The following KALRN variants were observed in gnomAD, a reference collection of about 807,000 sequenced individuals.
The protein encoded by KALRN is kalirin RhoGEF kinase.
KALRN carries 70 observed loss-of-function variants against 353.7 expected under a neutral mutation model. That is an observed-to-expected ratio of 0.20 (90% CI 0.16 to 0.24). KALRN has a LOEUF of 0.24. Ranked by LOEUF, KALRN falls within the 10% of genes least tolerant of loss-of-function variation. The pLI, the probability that KALRN is intolerant of heterozygous loss-of-function variation, is 1.00. For synonymous variants in KALRN, 1,391 were observed against 1,434.8 expected (o/e 0.97, Z 0.69); for missense variants, 2,791 against 3,756.7 (o/e 0.74, Z 6.72).
chr3:124,094,907 A>C (rs1341311929), intron 1 of KALRN: 1 of 1,613,648 alleles, frequency 6.2e-7, no homozygotes, highest in South Asian at 1.1e-5. Context: ...GGATCGAGGT[A>C]TCCTGAGTGT....
At chr3:124,161,775 C>T (rs1426657905) in intron 1 of KALRN, among the ~76,000 whole-genome samples, 1 of 152,216 alleles carries the variant, frequency 6.6e-6, no homozygotes, top group African/African-American at 2.4e-5. Flanking sequence ...TCTCCTTCCT[C>T]TAGCTCCAAG....
rs534312543 is a variant in KALRN at position 124,602,752 on chromosome 3, G to A, written c.5183-29668G>A. Among the ~76,000 whole-genome samples, 38 of 152,298 alleles carry A rather than the reference G, an allele frequency of 2.5e-4. No individual in the cohort carries two copies. In the South Asian group the frequency reaches 7.5e-3, roughly 30 times the overall value. ...ATAGGAATGGAATATCCATGGTAACGATGAACAGGTGTGTGACTGTAGCAT... is the reference window on the plus strand; with the variant it reads ...ATAGGAATGGAATATCCATGGTAACAATGAACAGGTGTGTGACTGTAGCAT... On this transcript the variant is annotated intron_variant, in intron 34 of 59. Coordinates refer to ENST00000682506, the MANE Select transcript of KALRN (RefSeq NM_001388419.1).
At chr3:124,232,151 C>A (rs983015541) in intron 2 of KALRN, among the ~76,000 whole-genome samples, 3 of 152,144 alleles carry the variant, frequency 2.0e-5, no homozygotes, top group Non-Finnish European at 4.4e-5. Context: ...CCTGGGCATA[C>A]CCCATTTATA....
intron 1 of KALRN, among the ~76,000 whole-genome samples, chr3:124,174,988 C>T (rs1228959015): frequency 1.3e-5 from 2 of 152,188 alleles, no homozygotes; most frequent in African/African-American, 4.8e-5. Flanking sequence ...TTGTGTTGTC[C>T]TTCCAAAGGG....
chr3:124,593,389 C>T (rs2075991473), intron 34 of KALRN, among the ~76,000 whole-genome samples: 1 of 152,082 alleles, frequency 6.6e-6, no homozygotes, highest in African/African-American at 2.4e-5. Context: ...CATTGACCAC[C>T]CTGCCCCGCC....
chr3:124,271,737 T>A (rs952560068), intron 5 of KALRN, among the ~76,000 whole-genome samples: 1 of 152,248 alleles, frequency 6.6e-6, no homozygotes, highest in Non-Finnish European at 1.5e-5. Context: ...TCCTGGCGCA[T>A]GCCTTGATGG....
At chr3:124,598,697 A>G (rs1483125432) in intron 34 of KALRN, among the ~76,000 whole-genome samples, 1 of 152,042 alleles carries the variant, frequency 6.6e-6, no homozygotes, top group Non-Finnish European at 1.5e-5. Context: ...TTTTTGAGAC[A>G]GGTGACATTT....
Position 124,347,175 on chromosome 3 carries a change from C to T in KALRN, c.1680C>T (p.Ala560=). ...ACTGGATTGAAAACCATGGTGAGGC[C>T]TTTCTCAGCAAACACACTGGAGTTG... ...VLDWIENHGE[A]FLSKHTGVGK... The change falls in exon 10 of 60, where the codon GCC becomes GCT. Residue 560 remains alanine, a synonymous_variant. Coordinates refer to ENST00000682506, the MANE Select transcript of KALRN (RefSeq NM_001388419.1). 1 of 1,614,004 alleles carries T rather than the reference C, an allele frequency of 6.2e-7. No homozygotes were observed. The highest frequency in any genetic ancestry group is 2.2e-5 in the East Asian group (1 of 44,866).
At chr3:124,055,874 C>A (rs1345749043) in intron 1 of KALRN, among the ~76,000 whole-genome samples, 1 of 152,216 alleles carries the variant, frequency 6.6e-6, no homozygotes, top group African/African-American at 2.4e-5. Flanking sequence ...CATGCCAAGT[C>A]TTTTCCATTC....
chr3:124,253,445 C>T (rs1243038444), intron 3 of KALRN, among the ~76,000 whole-genome samples: 1 of 152,170 alleles, frequency 6.6e-6, no homozygotes, highest in Non-Finnish European at 1.5e-5. Context: ...TTCTGTCTGC[C>T]TATGGTGAAC....
chr3:124,635,949 G>C (rs1050442218), intron 36 of KALRN, among the ~76,000 whole-genome samples: 1 of 151,990 alleles, frequency 6.6e-6, no homozygotes. Context: ...AGATCACTGT[G>C]TATATACAGC....
intron 34 of KALRN, among the ~76,000 whole-genome samples, chr3:124,623,868 GT>G (rs2079613862): frequency 6.6e-6 from 1 of 152,194 alleles, no homozygotes; most frequent in Non-Finnish European, 1.5e-5. Context: ...GTTAGGATAT[GT>G]TCAGTGCACA....
At chr3:124,168,796 C>T (rs758005901) in intron 1 of KALRN, among the ~76,000 whole-genome samples, 3 of 152,150 alleles carry the variant, frequency 2.0e-5, no homozygotes, top group African/African-American at 4.8e-5. Context: ...AGATCTCAAT[C>T]GGCCTCTCAA....
At chr3:124,115,518 G>A (rs1295800884) in intron 1 of KALRN, among the ~76,000 whole-genome samples, 1 of 152,188 alleles carries the variant, frequency 6.6e-6, no homozygotes, top group Non-Finnish European at 1.5e-5. Flanking sequence ...TATGCCTCCA[G>A]TTGGAAGAGA....
intron 1 of KALRN, among the ~76,000 whole-genome samples, chr3:124,054,602 G>A (rs2041357877): frequency 6.6e-6 from 1 of 152,098 alleles, no homozygotes; most frequent in Non-Finnish European, 1.5e-5. Flanking sequence ...CAGTTAGCCA[G>A]CCTTACCACA....
Position 124,279,656 on chromosome 3 carries a change from A to G in KALRN, c.969+10401A>G, listed in dbSNP as rs1368489212. Among the ~76,000 whole-genome samples, 3 of 152,198 alleles carry G rather than the reference A, an allele frequency of 2.0e-5. No homozygotes were observed. In the East Asian group the frequency reaches 5.8e-4, roughly 29 times the overall value. On this transcript the variant is annotated intron_variant, in intron 5 of 59. Coordinates refer to ENST00000682506, the MANE Select transcript of KALRN (RefSeq NM_001388419.1). ...GCTAGCAGGGAGAAAAGGAAATGGA[A>G]GCTGTAACCAGTCTGGCAGGATCTT...
intron 1 of KALRN, among the ~76,000 whole-genome samples, chr3:124,214,157 G>A (rs964952644): frequency 6.6e-6 from 1 of 151,860 alleles, no homozygotes; most frequent in Non-Finnish European, 1.5e-5. Flanking sequence ...TATATATATG[G>A]TTTTTATACA....
chr3:124,225,507 C>G (rs2078379421), intron 1 of KALRN, among the ~76,000 whole-genome samples: 1 of 152,112 alleles, frequency 6.6e-6, no homozygotes, highest in African/African-American at 2.4e-5. Flanking sequence ...AGTAGAAGCC[C>G]TAGGAATCCT....
chr3:124,206,575 G>A (rs1560229459), intron 1 of KALRN, among the ~76,000 whole-genome samples: 1 of 152,312 alleles, frequency 6.6e-6, no homozygotes, highest in East Asian at 1.9e-4. Flanking sequence ...CACCAGAGAC[G>A]ACTTCTTGTG....
Sources: gnomAD v4.1 joint callset for allele counts (sites outside exome capture counted in the v4.1 genomes callset) on GRCh38, gnomAD v4.1.1 for gene constraint, MANE v1.5 for transcripts, NCBI Gene and HGNC (gene_info 2026-07-23, HGNC 2026-07-21) for gene names.